SNX29: variants seen among roughly 807,000 people sequenced by gnomAD.
SNX29 encodes sorting nexin 29.
In SNX29, 78 loss-of-function variants were observed where a neutral mutation model predicts 102.1. The observed-to-expected ratio is 0.76, with a 90% CI of 0.64 to 0.92. The LOEUF (loss-of-function observed/expected upper bound fraction) is 0.92. Among genes scored for constraint, SNX29 ranks in the 40% least tolerant of loss-of-function variants. The probability of loss-of-function intolerance (pLI) is 0.00; values close to 1 mark genes in which losing one functional copy is unlikely to be tolerated. For missense variants in SNX29, 1,280 were observed against 1,061.7 expected (o/e 1.21, Z -2.86); for synonymous variants, 580 against 414.5 (o/e 1.40, Z -4.85).
chr16:12,360,388 G>C (rs896117880), intron 16 of SNX29, among the ~76,000 whole-genome samples: 1 of 152,136 alleles, frequency 6.6e-6, no homozygotes, highest in South Asian at 2.1e-4. Flanking sequence ...TTCCCAGTTA[G>C]GATTTTGCTA....
intron 20 of SNX29, among the ~76,000 whole-genome samples, chr16:12,539,705 C>G (rs1013598109): frequency 6.6e-6 from 1 of 152,198 alleles, no homozygotes; most frequent in African/African-American, 2.4e-5. Context: ...GTCATACTGT[C>G]ATGATTCTTT....
intron 15 of SNX29, among the ~76,000 whole-genome samples, chr16:12,338,127 T>A (rs2081506703): frequency 6.6e-6 from 1 of 152,226 alleles, no homozygotes; most frequent in African/African-American, 2.4e-5. Context: ...ATCAGTGTTT[T>A]CTGGGGCTGA....
At chr16:12,173,621 T>A (rs1161366455) in intron 13 of SNX29, among the ~76,000 whole-genome samples, 1 of 152,184 alleles carries the variant, frequency 6.6e-6, no homozygotes, top group East Asian at 1.9e-4. Context: ...TTATATCTGT[T>A]AACCAGGAGC....
At chr16:12,035,813 C>T (rs926064640) in intron 4 of SNX29, among the ~76,000 whole-genome samples, 4 of 152,088 alleles carry the variant, frequency 2.6e-5, no homozygotes, top group Non-Finnish European at 5.9e-5. Flanking sequence ...GAGTTTTGTT[C>T]TTTGCTTTCT....
chr16:12,549,029 A>G (rs1341224163), intron 20 of SNX29, among the ~76,000 whole-genome samples: 2 of 152,158 alleles, frequency 1.3e-5, no homozygotes, highest in Non-Finnish European at 2.9e-5. Flanking sequence ...AAGCTTGTGG[A>G]GTATCTTAGG....
intron 14 of SNX29, among the ~76,000 whole-genome samples, chr16:12,230,827 T>C (rs2142195476): frequency 1.1e-5 from 1 of 93,564 alleles, no homozygotes; most frequent in South Asian, 2.4e-4. Flanking sequence ...GTCGTATGTA[T>C]GTATGTATGT....
At chr16:12,159,592 G>C (rs1305167034) in intron 13 of SNX29, among the ~76,000 whole-genome samples, 1 of 152,192 alleles carries the variant, frequency 6.6e-6, no homozygotes, top group Non-Finnish European at 1.5e-5. Flanking sequence ...GGGCACGGTA[G>C]CTCACACCTG....
intron 19 of SNX29, among the ~76,000 whole-genome samples, chr16:12,522,000 C>T (rs1318878594): frequency 6.6e-6 from 1 of 152,184 alleles, no homozygotes; most frequent in African/African-American, 2.4e-5. Context: ...CCCACCGAGG[C>T]CGCTCATCGG....
chr16:12,238,408 C>G (rs1463316674), intron 14 of SNX29, among the ~76,000 whole-genome samples: 4 of 151,908 alleles, frequency 2.6e-5, no homozygotes, highest in Non-Finnish European at 5.9e-5. Context: ...TCACTGCAGC[C>G]TCCGCCCCCC....
intron 13 of SNX29, among the ~76,000 whole-genome samples, chr16:12,174,026 C>T (rs757166981): frequency 6.6e-6 from 1 of 152,228 alleles, no homozygotes; most frequent in Non-Finnish European, 1.5e-5. Context: ...GTGGTCCCCC[C>T]CAACCTTGGC....
At chr16:12,166,931 G>A (rs114000183) in intron 13 of SNX29, among the ~76,000 whole-genome samples, 2,725 of 152,284 alleles carry the variant, frequency 0.018, 90 homozygotes, top group African/African-American at 0.062. Flanking sequence ...AAAATGCTCC[G>A]TCTTTGCTTT....
intron 20 of SNX29, among the ~76,000 whole-genome samples, chr16:12,540,732 C>T (rs762574093): frequency 6.6e-6 from 1 of 152,182 alleles, no homozygotes; most frequent in Non-Finnish European, 1.5e-5. Context: ...AAGAGCTGGG[C>T]ATCCTTGGGG....
At chr16:12,466,124 A>G (rs1451679660) in intron 18 of SNX29, among the ~76,000 whole-genome samples, 1 of 152,242 alleles carries the variant, frequency 6.6e-6, no homozygotes, top group Non-Finnish European at 1.5e-5. Context: ...GGTTCAATAT[A>G]GTACTGGAAG....
At chr16:12,549,217 C>T (rs1234005400) in intron 20 of SNX29, among the ~76,000 whole-genome samples, 1 of 152,180 alleles carries the variant, frequency 6.6e-6, no homozygotes, top group Non-Finnish European at 1.5e-5. Context: ...TTGTGTCTGC[C>T]AGCCATGGTG....
At position 12,173,460 on chromosome 16, in the gene SNX29, G is replaced by T. The variant is rs530206919; in HGVS notation, c.1596-26141G>T. On this transcript the variant is annotated intron_variant, in intron 13 of 20. Transcript: ENST00000566228. ...CTTTATTTACAAAAAACAGATGCTG[G>T]CTGGGTTTGGCCTGTGGGCTCTAGT... 1.2e-4 allele frequency among the ~76,000 whole-genome samples: 19 copies of T among 152,300 alleles called. 1 individual carries two copies. The highest frequency in any genetic ancestry group is 4.1e-4 in the African/African-American group (17 of 41,560).
rs548496408 is a variant in SNX29 at position 12,020,417 on chromosome 16, G to T, written c.123-6903G>T. Among the ~76,000 whole-genome samples, 5 of 152,058 alleles carry T rather than the reference G, an allele frequency of 3.3e-5. No homozygotes were observed. The South Asian group carries it at 8.3e-4, about 25-fold the overall frequency. On this transcript the variant is annotated intron_variant, in intron 3 of 20. Coordinates refer to ENST00000566228, the MANE Select transcript of SNX29 (RefSeq NM_032167.5). ...AGGTTTTGCTTTGTTGCCCAGGCTG[G>T]TTTCAAACTCCTGGCCTCAAGTGAT...
At chr16:12,491,195 A>C (rs374943762) in intron 19 of SNX29, among the ~76,000 whole-genome samples, 1 of 152,148 alleles carries the variant, frequency 6.6e-6, no homozygotes, top group Non-Finnish European at 1.5e-5. Context: ...GTCGTTTGCA[A>C]TTTTTCCCTA....
Position 12,082,517 on chromosome 16 carries a change from G to C in SNX29, c.1402+3602G>C, listed in dbSNP as rs548007401. ...CATGCCCTTAAACATGCTCGAGTTA[G>C]GCCAGTGACAGAGGCGTAGATTGTT... On this transcript the variant is annotated intron_variant, in intron 11 of 20. Transcript: ENST00000566228. 3.3e-5 allele frequency among the ~76,000 whole-genome samples: 5 copies of C among 149,704 alleles called. No individual in the cohort carries two copies. In the South Asian group the frequency reaches 8.4e-4, roughly 25 times the overall value.
intron 15 of SNX29, among the ~76,000 whole-genome samples, chr16:12,351,349 G>A (rs2081987397): frequency 6.6e-6 from 1 of 151,922 alleles, no homozygotes; most frequent in Non-Finnish European, 1.5e-5. Context: ...AAAACGGGTT[G>A]TGAGTTTTAT....
Sources: gnomAD v4.1 joint callset for allele counts (sites outside exome capture counted in the v4.1 genomes callset) on GRCh38, gnomAD v4.1.1 for gene constraint, MANE v1.5 for transcripts, NCBI Gene and HGNC (gene_info 2026-07-23, HGNC 2026-07-21) for gene names.